The following IAH1 variants were observed in gnomAD, a reference collection of about 807,000 sequenced individuals.
IAH1 encodes isoamyl acetate-hydrolyzing esterase 1 homolog.
Under a neutral mutation model 26.7 loss-of-function variants are expected in IAH1, and 24 were observed. That is an observed-to-expected ratio of 0.90 (90% confidence interval 0.65 to 1.26). IAH1 has a LOEUF of 1.26. Among genes scored for constraint, IAH1 ranks in the 50% most tolerant of loss-of-function variants. IAH1 has a pLI of 0.00. For missense variants in IAH1, 300 were observed against 299.9 expected (o/e 1.00, Z 0.00); for synonymous variants, 140 against 118.5 (o/e 1.18, Z -1.18).
rs1491190924 is a variant in IAH1, at chr2:9,489,648, T to TG, written c.*1322dup. On this transcript the variant is annotated 3_prime_UTR_variant, in exon 6 of 6. Coordinates refer to ENST00000497473, the MANE Select transcript of IAH1 (RefSeq NM_001039613.3). ...TATTTTCCCTGCTACATAAAAACTCTGGGTAATAACTAGAAATAGACCCAC... is the reference window on the plus strand; with the variant it reads ...TATTTTCCCTGCTACATAAAAACTCTGGGGTAATAACTAGAAATAGACCCAC... 2 of 147,900 alleles carry TG rather than the reference T, an allele frequency of 1.4e-5. No individual in the cohort carries two copies. The highest frequency in any genetic ancestry group is 2.5e-5 in the African/African-American group (1 of 39,496). 9.2% of individuals were successfully genotyped at this position (147,900 alleles called of 1,614,324 possible).
intron 4 of IAH1, among the ~76,000 whole-genome samples, chr2:9,483,046 T>C (rs936711409): frequency 6.6e-6 from 1 of 152,236 alleles, no homozygotes; most frequent in Non-Finnish European, 1.5e-5. Context: ...AAATGTTACA[T>C]AGCATGGTCC....
Position 9,475,991 on chromosome 2 carries a change from C to T in IAH1, c.86C>T (p.Ser29Phe), listed in dbSNP as rs779784781. Residue 29 changes from serine (S) to phenylalanine (F), a missense_variant, in exon 2 of 6, where the codon TCC (serine) becomes TTC (phenylalanine). Transcript: ENST00000497473. Reference sequence around the variant, plus strand: ...AATGGGCTTTTCTTCCTCCAGTTTTCCTTCCAGCAGGGTGGATGGGGAGCA... The same window carrying T: ...AATGGGCTTTTCTTCCTCCAGTTTTTCTTCCAGCAGGGTGGATGGGGAGCA... Reference protein sequence around the residue: ...LLFGDSITQFSFQQGGWGASL... With the variant: ...LLFGDSITQFFFQQGGWGASL... The T allele has an allele frequency of 6.2e-7, 1 of 1,613,670 alleles. No individual in the cohort carries two copies.
the IAH1 span, among the ~76,000 whole-genome samples, chr2:9,504,391 G>A: frequency 2.6e-5 from 4 of 152,240 alleles, no homozygotes; most frequent in South Asian, 4.1e-4. Context: ...ATTGCAGTGC[G>A]CTGAGATCGC....
chr2:9,491,116 A>G (rs370157347), downstream of IAH1: 6 of 1,613,446 alleles, frequency 3.7e-6, no homozygotes, highest in Non-Finnish European at 5.1e-6. Context: ...GGTGAAACAG[A>G]GACAGAGATT....
At chr2:9,477,127 T>A (rs1244342030) in intron 2 of IAH1, among the ~76,000 whole-genome samples, 2 of 152,196 alleles carry the variant, frequency 1.3e-5, no homozygotes. Context: ...ACAAACAATC[T>A]CTTAGAAATA....
chr2:9,474,742 G>A lies in IAH1; in HGVS notation c.81+95G>A. The A allele has an allele frequency of 2.1e-6, 2 of 970,408 alleles. No individual in the cohort carries two copies. The highest frequency in any genetic ancestry group is 2.9e-6 in the Non-Finnish European group (2 of 687,034). The allele number at this position is 970,408 out of a possible 1,614,324, so 60.1% of individuals were successfully genotyped here. On this transcript the variant is annotated intron_variant, in intron 1 of 5. Transcript: ENST00000497473. This position sits in a 1 kb window ranked among gnomAD's most constrained non-coding sequence, Gnocchi z 4.3. ...CTCCTCGCCGTCCTCTTCGGCGCCC[G>A]AGACGGCTGGGCCGGAGGCCTGGCC...
At chr2:9,505,076 G>A in the IAH1 span, 1 of 1,382,386 alleles carries the variant, frequency 7.2e-7, no homozygotes, top group Non-Finnish European at 1.0e-6. Context: ...CCTTTCAGTT[G>A]ATTCTAAAGC....
At chr2:9,498,482 C>A (rs1399254951), downstream of IAH1, among the ~76,000 whole-genome samples, 1 of 152,206 alleles carries the variant, frequency 6.6e-6, no homozygotes, top group Non-Finnish European at 1.5e-5. Context: ...AAGCAATGGA[C>A]TATATATCCA....
the IAH1 span, chr2:9,505,448 C>T: frequency 2.1e-6 from 3 of 1,404,192 alleles, 1 homozygote. Flanking sequence ...TCTCTAGAGA[C>T]AAACTCTTAA....
rs1459271662 is a variant in IAH1, at chr2:9,488,915, A to G, written c.*586A>G. The stretch of plus-strand genomic sequence containing the variant: ...CACATTTCAGTTCTTAGGGGAAAAA[A>G]AGCTTTTAATGGCAATTTATAGAAA... On this transcript the variant is annotated 3_prime_UTR_variant, in exon 6 of 6. Coordinates refer to ENST00000497473, the MANE Select transcript of IAH1 (RefSeq NM_001039613.3). The G allele has an allele frequency of 6.6e-6, 1 of 152,226 alleles. No homozygotes were observed. The highest frequency in any genetic ancestry group is 1.9e-4 in the East Asian group (1 of 5,200). 9.4% of individuals were successfully genotyped at this position (152,226 alleles called of 1,614,324 possible).
chr2:9,478,440 A>G (rs1660955438), intron 3 of IAH1, 70 bp downstream of exon 3: 2 of 1,416,422 alleles, frequency 1.4e-6, no homozygotes, highest in Non-Finnish European at 1.9e-6. Context: ...CTTGCATTTA[A>G]TATACTTTTT....
chr2:9,495,745 C>T (rs1367198963), intron 6 of IAH1, among the ~76,000 whole-genome samples: 2 of 151,766 alleles, frequency 1.3e-5, no homozygotes, highest in African/African-American at 4.8e-5. Context: ...TCATCATTCA[C>T]TAATTTATAA....
At chr2:9,474,539 G>A, upstream of IAH1, 1 of 1,316,306 alleles carries the variant, frequency 7.6e-7, no homozygotes, top group Non-Finnish European at 9.8e-7. This position sits in a 1 kb window ranked among gnomAD's most constrained non-coding sequence, Gnocchi z 4.3. Context: ...GTGGCTGGCG[G>A]CCCCGCCCCG....
At chr2:9,505,526 T>C in the IAH1 span, 2 of 678,800 alleles carry the variant, frequency 2.9e-6, no homozygotes, top group Non-Finnish European at 2.5e-6. Flanking sequence ...CAAAGGCCAC[T>C]GATATGGAAC....
At chr2:9,500,955 C>T (rs776551478), downstream of IAH1, among the ~76,000 whole-genome samples, 4 of 152,122 alleles carry the variant, frequency 2.6e-5, no homozygotes, top group Admixed American at 1.3e-4. Flanking sequence ...TTTAACCATC[C>T]GCCATGGCTT....
At chr2:9,505,317 T>G in the IAH1 span, 1 of 1,614,190 alleles carries the variant, frequency 6.2e-7, no homozygotes, top group Non-Finnish European at 8.5e-7. Context: ...TCCTGGGCCT[T>G]ACTTTCAATG....
At position 9,474,946 on chromosome 2, in the gene IAH1, C is replaced by T; in HGVS notation, c.81+299C>T. 1.0e-6 allele frequency: 1 copy of T among 954,452 alleles called. No homozygotes were observed. The highest frequency in any genetic ancestry group is 1.3e-6 in the Non-Finnish European group (1 of 773,084). 59.1% of individuals were successfully genotyped at this position (954,452 alleles called of 1,614,324 possible). A position where few individuals can be genotyped will look rare whatever the true frequency, so the allele number is the denominator to read the frequency against. ...TCCCACCCGGGTCGAGATGCGCGGT[C>T]TTCCCCTCAGCGCCCTCCTGGGCAG... On this transcript the variant is annotated intron_variant, in intron 1 of 5. Transcript: ENST00000497473. This position sits in a 1 kb window ranked among gnomAD's most constrained non-coding sequence, Gnocchi z 4.3.
rs745608747 is a variant in IAH1 at position 9,488,219 on chromosome 2, T to C, written c.637T>C (p.Trp213Arg). ...GAATGAATTTTTGTTCTCGCATCTC[T>C]GGCCTTTGATAGAGAAAAAGGTCTC... The part of the protein sequence containing the change: ...KGNEFLFSHL[W>R]PLIEKKVSSL... The change falls in exon 6 of 6, where the codon TGG becomes CGG. Residue 213 changes from tryptophan to arginine, a missense_variant. By Grantham distance (101) the Trp-to-Arg change is moderately radical. Transcript: ENST00000497473. The C allele has an allele frequency of 6.2e-7, 1 of 1,613,398 alleles. No homozygotes were observed. Among genetic ancestry groups the C allele is most frequent in the Admixed American group, 1.7e-5 (1 of 59,850 alleles).
chr2:9,501,743 G>C, the IAH1 span, among the ~76,000 whole-genome samples: 18 of 152,230 alleles, frequency 1.2e-4, no homozygotes, highest in Admixed American at 3.9e-4. Context: ...TTTGCTATTA[G>C]GATGTAGCCA....
Sources: allele counts gnomAD v4.1 joint callset (sites outside exome capture counted in the v4.1 genomes callset), GRCh38; gene constraint gnomAD v4.1.1; non-coding constraint Gnocchi (gnomAD v3.1); transcripts MANE v1.5; gene names NCBI Gene and HGNC (gene_info 2026-07-23, HGNC 2026-07-21).